The following IL1RAPL1 variants were observed in gnomAD, a reference collection of about 807,000 sequenced individuals.
IL1RAPL1 encodes interleukin-1 receptor accessory protein-like 1.
Under a neutral mutation model 48.4 loss-of-function variants are expected in IL1RAPL1, and 3 were observed. The observed-to-expected ratio is 0.06, with a 90% confidence interval of 0.03 to 0.16. The LOEUF is 0.16. Among genes scored for constraint, IL1RAPL1 ranks in the 10% least tolerant of loss-of-function variants. The pLI, the probability that IL1RAPL1 is intolerant of heterozygous loss-of-function variation, is 1.00. For synonymous variants in IL1RAPL1, 185 were observed against 187.7 expected (o/e 0.99, Z 0.12); for missense variants, 349 against 530.6 (o/e 0.66, Z 3.36).
intron 1 of IL1RAPL1, among the ~76,000 whole-genome samples, chrX:28,721,876 G>A (rs1260951206): frequency 1.1e-4 from 12 of 110,508 alleles, no homozygotes; most frequent in Non-Finnish European, 2.3e-4. Flanking sequence ...TCTTGTTTTT[G>A]TCAGGTTTGT....
chrX:28,588,784 C>T (rs1014274415), intron 1 of IL1RAPL1, among the ~76,000 whole-genome samples: 1 of 112,300 alleles, frequency 8.9e-6, no homozygotes, highest in Non-Finnish European at 1.9e-5. Flanking sequence ...CTTTCTTTCT[C>T]AAGTTCAATT....
intron 6 of IL1RAPL1, among the ~76,000 whole-genome samples, chrX:29,717,974 A>G (rs1468750677): frequency 8.9e-6 from 1 of 111,963 alleles, no homozygotes; most frequent in African/African-American, 3.3e-5. Context: ...GGAAATACCA[A>G]GCTAGTTATT....
intron 1 of IL1RAPL1, among the ~76,000 whole-genome samples, chrX:28,768,743 CTCTCTCTCTCTCTA>C (rs1271224691): frequency 8.6e-5 from 6 of 69,429 alleles, no homozygotes; most frequent in African/African-American, 2.9e-4. Context: ...CTCTCTCTCT[CTCTCTCTCTCTCTA>C]TATATATATA....
intron 5 of IL1RAPL1, among the ~76,000 whole-genome samples, chrX:29,410,148 A>C (rs1348140605): frequency 9.1e-6 from 1 of 109,533 alleles, no homozygotes; most frequent in Non-Finnish European, 1.9e-5. Flanking sequence ...ACATAACCTC[A>C]ACTTACTCAC....
chrX:29,418,401 C>T (rs942425749), intron 5 of IL1RAPL1, among the ~76,000 whole-genome samples: 1 of 109,187 alleles, frequency 9.2e-6, no homozygotes, highest in African/African-American at 3.3e-5. Flanking sequence ...GCTGGGATTA[C>T]AGGCGTGAGC....
intron 5 of IL1RAPL1, among the ~76,000 whole-genome samples, chrX:29,521,197 A>C (rs1262881534): frequency 8.9e-6 from 1 of 112,258 alleles, no homozygotes; most frequent in Non-Finnish European, 1.9e-5. Context: ...AATATAACAA[A>C]CTAGTTTTCA....
chrX:29,931,606 A>G (rs1932949537), intron 8 of IL1RAPL1, among the ~76,000 whole-genome samples: 1 of 112,505 alleles, frequency 8.9e-6, no homozygotes, highest in African/African-American at 3.2e-5. Flanking sequence ...TTCTAAATGT[A>G]GTTCCATCAA....
intron 2 of IL1RAPL1, among the ~76,000 whole-genome samples, chrX:28,910,277 A>G (rs1036316920): frequency 1.8e-5 from 2 of 111,484 alleles, no homozygotes; most frequent in Admixed American, 1.9e-4. Context: ...GCCATTCTCA[A>G]CCCAACCTGA....
intron 8 of IL1RAPL1, among the ~76,000 whole-genome samples, chrX:29,938,561 T>C (rs1056343238): frequency 8.9e-6 from 1 of 112,123 alleles, no homozygotes; most frequent in African/African-American, 3.2e-5. Flanking sequence ...ACTTACGTTT[T>C]TCTTAAAAAA....
rs1933041780 is a variant in IL1RAPL1 at position 29,936,864 on chromosome X, T to G, written c.1058-4787T>G. On this transcript the variant is annotated intron_variant, in intron 8 of 10. Transcript: ENST00000378993. Reference sequence around the variant, plus strand: ...TAAGGGGTTGCTTGCTCCCACTGTCTTGATAAGAAAAAATTGTAGTCATTG... The same window carrying G: ...TAAGGGGTTGCTTGCTCCCACTGTCGTGATAAGAAAAAATTGTAGTCATTG... 2.7e-5 allele frequency among the ~76,000 whole-genome samples: 3 copies of G among 111,908 alleles called. No homozygotes were observed. The South Asian group carries it at 1.1e-3, about 41-fold the overall frequency.
chrX:29,513,544 G>A (rs1366946874), intron 5 of IL1RAPL1, among the ~76,000 whole-genome samples: 2 of 111,602 alleles, frequency 1.8e-5, no homozygotes, highest in Admixed American at 9.5e-5. Context: ...GCCTGGTTTC[G>A]TGTAAGGAGT....
intron 6 of IL1RAPL1, among the ~76,000 whole-genome samples, chrX:29,913,335 A>G (rs915086975): frequency 5.7e-5 from 6 of 105,902 alleles, no homozygotes; most frequent in African/African-American, 1.7e-4. Context: ...TGTTCTGCCT[A>G]TATTGAGAAG....
chrX:29,803,548 T>C (rs1444937538), intron 6 of IL1RAPL1, among the ~76,000 whole-genome samples: 2 of 100,817 alleles, frequency 2.0e-5, no homozygotes, highest in African/African-American at 3.6e-5. Flanking sequence ...TATATGTATA[T>C]GTGTGTATAT....
intron 5 of IL1RAPL1, among the ~76,000 whole-genome samples, chrX:29,512,222 T>A (rs186445598): frequency 1.6e-3 from 175 of 110,807 alleles, no homozygotes; most frequent in African/African-American, 5.5e-3. Flanking sequence ...ACCAACTGAT[T>A]GTGGTTTAAT....
chrX:29,541,959 A>C (rs77448123), intron 5 of IL1RAPL1, among the ~76,000 whole-genome samples: 11,091 of 111,027 alleles, frequency 0.1, 473 homozygotes, highest in South Asian at 0.31. Context: ...AAATTAAAAA[A>C]TAATTTTGAT....
chrX:29,878,832 A>C (rs1931963492), intron 6 of IL1RAPL1, among the ~76,000 whole-genome samples: 1 of 111,473 alleles, frequency 9.0e-6, no homozygotes, highest in Admixed American at 9.6e-5. Context: ...TAATGATTAA[A>C]ATATATTGTA....
intron 2 of IL1RAPL1, among the ~76,000 whole-genome samples, chrX:29,148,632 T>C (rs1929397153): frequency 8.9e-6 from 1 of 112,001 alleles, no homozygotes; most frequent in Non-Finnish European, 1.9e-5. Context: ...CTTAGCAAGA[T>C]ACCTTCTTTA....
At chrX:29,238,806 G>C (rs767352503) in intron 2 of IL1RAPL1, among the ~76,000 whole-genome samples, 1 of 112,505 alleles carries the variant, frequency 8.9e-6, no homozygotes, top group South Asian at 3.7e-4. Flanking sequence ...CAGGTACACT[G>C]TCAATTGTAG....
chrX:29,251,941 A>G (rs768139865), intron 2 of IL1RAPL1, among the ~76,000 whole-genome samples: 19 of 111,117 alleles, frequency 1.7e-4, no homozygotes, highest in Admixed American at 1.6e-3. Flanking sequence ...AGCCATAAAA[A>G]CTGATGAGTT....
Sources: gnomAD v4.1 joint callset for allele counts (sites outside exome capture counted in the v4.1 genomes callset) on GRCh38, gnomAD v4.1.1 for gene constraint, MANE v1.5 for transcripts, NCBI Gene and HGNC (gene_info 2026-07-23, HGNC 2026-07-21) for gene names.